Variants in DOCK3 observed in about 807,000 individuals in gnomAD.
The protein encoded by DOCK3 is dedicator of cytokinesis protein 3.
Under a neutral mutation model 265.6 loss-of-function variants are expected in DOCK3, and 60 were observed. The observed-to-expected ratio is 0.23, with a 90% CI of 0.18 to 0.28. The LOEUF (loss-of-function observed/expected upper bound fraction) is 0.28. Ranked by LOEUF, DOCK3 falls within the 10% of genes least tolerant of loss-of-function variation. DOCK3 has a pLI of 1.00. For missense variants in DOCK3, 1,981 were observed against 2,594.3 expected (o/e 0.76, Z 5.14); for synonymous variants, 881 against 938.0 (o/e 0.94, Z 1.11).
At chr3:51,066,740 ATTG>A (rs2081603937) in intron 6 of DOCK3, among the ~76,000 whole-genome samples, 1 of 152,166 alleles carries the variant, frequency 6.6e-6, no homozygotes, top group African/African-American at 2.4e-5. Flanking sequence ...TCACACCCAA[ATTG>A]GTAGTGTTCA....
intron 5 of DOCK3, among the ~76,000 whole-genome samples, chr3:50,997,842 G>T (rs2078337853): frequency 6.6e-6 from 1 of 152,170 alleles, no homozygotes; most frequent in African/African-American, 2.4e-5. Context: ...CAATTACCAA[G>T]AAGAGAAAAT....
intron 4 of DOCK3, among the ~76,000 whole-genome samples, chr3:50,894,634 A>G (rs1483300217): frequency 6.6e-6 from 1 of 152,176 alleles, no homozygotes; most frequent in Non-Finnish European, 1.5e-5. Flanking sequence ...GACAAGTATT[A>G]AGAATAACTA....
chr3:50,920,563 T>C (rs977662814), intron 4 of DOCK3, among the ~76,000 whole-genome samples: 7 of 152,222 alleles, frequency 4.6e-5, no homozygotes, highest in Non-Finnish European at 7.3e-5. Flanking sequence ...TCTCTGATGG[T>C]AGTTTGTATT....
chr3:50,790,800 A>G (rs1182494933), intron 2 of DOCK3, among the ~76,000 whole-genome samples: 1 of 152,048 alleles, frequency 6.6e-6, no homozygotes, highest in Non-Finnish European at 1.5e-5. Flanking sequence ...TGCCTGGGCG[A>G]TGATCTTCCA....
chr3:51,142,037 A>G (rs1325891578), intron 9 of DOCK3, among the ~76,000 whole-genome samples: 1 of 151,112 alleles, frequency 6.6e-6, no homozygotes, highest in Admixed American at 6.6e-5. Flanking sequence ...TTGTATCTAC[A>G]CTGTTACTAA....
At chr3:50,879,070 G>A (rs1052475263) in intron 3 of DOCK3, among the ~76,000 whole-genome samples, 1 of 152,116 alleles carries the variant, frequency 6.6e-6, no homozygotes, top group Non-Finnish European at 1.5e-5. Flanking sequence ...TTACAGACAA[G>A]CAAATGCTGA....
At chr3:51,323,862 C>T (rs1310804460) in intron 32 of DOCK3, among the ~76,000 whole-genome samples, 1 of 152,102 alleles carries the variant, frequency 6.6e-6, no homozygotes, top group Non-Finnish European at 1.5e-5. Context: ...GATGGAGACA[C>T]ACAAAAACCC....
intron 5 of DOCK3, among the ~76,000 whole-genome samples, chr3:50,974,001 G>T (rs1256988381): frequency 6.7e-6 from 1 of 149,198 alleles, no homozygotes; most frequent in East Asian, 2.0e-4. Context: ...TTTTTTTCTT[G>T]TAAATTTGTT....
At chr3:50,719,439 A>G in intron 1 of DOCK3, 2 of 645,914 alleles carry the variant, frequency 3.1e-6, no homozygotes, top group Non-Finnish European at 5.4e-6. Flanking sequence ...TGAGCTACGG[A>G]AGGAATGGTC....
At chr3:50,786,085 T>G (rs2042173094) in intron 2 of DOCK3, among the ~76,000 whole-genome samples, 1 of 152,166 alleles carries the variant, frequency 6.6e-6, no homozygotes, top group Non-Finnish European at 1.5e-5. Context: ...TTTTCTAGTT[T>G]GTGCCCATAA....
chr3:51,258,573 G>A (rs868504658), intron 22 of DOCK3, among the ~76,000 whole-genome samples: 6 of 151,892 alleles, frequency 4.0e-5, no homozygotes, highest in Non-Finnish European at 8.8e-5. Context: ...GCGTGATCTC[G>A]GCTCACTGCA....
intron 5 of DOCK3, among the ~76,000 whole-genome samples, chr3:51,029,971 G>T (rs1235219016): frequency 6.6e-6 from 1 of 151,930 alleles, no homozygotes; most frequent in African/African-American, 2.4e-5. Flanking sequence ...GGGACACGGG[G>T]TCGGGGGGTG....
chr3:51,097,575 T>A (rs2109673839), intron 9 of DOCK3, among the ~76,000 whole-genome samples: 1 of 152,358 alleles, frequency 6.6e-6, no homozygotes, highest in Admixed American at 6.5e-5. Context: ...GCTAGACCAC[T>A]TGGCTCCCTG....
intron 10 of DOCK3, among the ~76,000 whole-genome samples, chr3:51,150,628 T>G (rs2085535860): frequency 6.6e-6 from 1 of 152,224 alleles, no homozygotes; most frequent in South Asian, 2.1e-4. Flanking sequence ...TTGTTCAGTT[T>G]CCATGTAGTT....
At chr3:51,341,075 T>C (rs967918483) in intron 37 of DOCK3, among the ~76,000 whole-genome samples, 162 bp from the exon 38 acceptor site, 4 of 152,234 alleles carry the variant, frequency 2.6e-5, no homozygotes, top group African/African-American at 9.6e-5. Context: ...TATTGGCTTG[T>C]TGAGCAGCCC....
At chr3:50,967,549 T>TA (rs2077068612) in intron 5 of DOCK3, among the ~76,000 whole-genome samples, 1 of 152,196 alleles carries the variant, frequency 6.6e-6, no homozygotes, top group South Asian at 2.1e-4. Flanking sequence ...GATAAAGACA[T>TA]ACCTGAGACT....
intron 1 of DOCK3, among the ~76,000 whole-genome samples, chr3:50,754,995 AT>A (rs201268022): frequency 0.072 from 10,924 of 152,294 alleles, 979 homozygotes; most frequent in East Asian, 0.33. Flanking sequence ...CATTAAAAAT[AT>A]CAAAATTGCA....
intron 9 of DOCK3, among the ~76,000 whole-genome samples, chr3:51,109,610 T>C (rs566863844): frequency 6.6e-6 from 1 of 152,134 alleles, no homozygotes; most frequent in East Asian, 1.9e-4. Context: ...AATAGTCCAT[T>C]AGCTAGACTA....
intron 5 of DOCK3, among the ~76,000 whole-genome samples, chr3:50,967,229 C>G (rs765247057): frequency 1.3e-5 from 2 of 152,134 alleles, no homozygotes; most frequent in South Asian, 2.1e-4. Flanking sequence ...TCCATGAGAT[C>G]CACTTTTTTA....
Sources: gnomAD v4.1 joint callset for allele counts (sites outside exome capture counted in the v4.1 genomes callset) on GRCh38, gnomAD v4.1.1 for gene constraint, MANE v1.5 for transcripts, NCBI Gene and HGNC (gene_info 2026-07-23, HGNC 2026-07-21) for gene names.